Variants in TENM1 observed in about 807,000 individuals in gnomAD.
TENM1 encodes teneurin transmembrane protein 1.
TENM1 carries 35 observed loss-of-function variants against 174.8 expected under a neutral mutation model. That is an observed-to-expected ratio of 0.20 (90% CI 0.15 to 0.27). The LOEUF is 0.27. TENM1 is among the 10% of genes least tolerant of loss of function. The pLI is 1.00. For missense variants in TENM1, 1,633 were observed against 2,130.1 expected, an observed-to-expected ratio of 0.77 and a Z score of 4.59; for synonymous variants, 781 against 798.7, an observed-to-expected ratio of 0.98 and a Z score of 0.37.
At chrX:124,973,785 A>C in the TENM1 span, among the ~76,000 whole-genome samples, 1 of 112,040 alleles carries the variant, frequency 8.9e-6, no homozygotes, top group Non-Finnish European at 1.9e-5. Context: ...ATCATAAAAA[A>C]GGATGAGTTC....
chrX:124,550,443 T>C (rs1181790389), intron 14 of TENM1, among the ~76,000 whole-genome samples: 1 of 112,236 alleles, frequency 8.9e-6, no homozygotes, highest in African/African-American at 3.2e-5. Flanking sequence ...TGCCAGGCAC[T>C]AGGTACATCC....
intron 5 of TENM1, among the ~76,000 whole-genome samples, chrX:124,687,651 G>A (rs1425422575): frequency 5.4e-5 from 6 of 111,863 alleles, no homozygotes; most frequent in Middle Eastern, 9.3e-3. Flanking sequence ...GCAACTTACA[G>A]AATGGGAGAA....
At chrX:124,645,905 T>C (rs2051145552) in intron 9 of TENM1, among the ~76,000 whole-genome samples, 1 of 111,325 alleles carries the variant, frequency 9.0e-6, no homozygotes, top group Admixed American at 9.6e-5. Context: ...GATTTTTTAA[T>C]ACCAACCATC....
At chrX:124,908,550 A>G (rs1298323449) in intron 1 of TENM1, among the ~76,000 whole-genome samples, 1 of 110,404 alleles carries the variant, frequency 9.1e-6, no homozygotes, top group Non-Finnish European at 1.9e-5. Context: ...TATGTACCAC[A>G]TTTTCGTTAT....
the TENM1 span, among the ~76,000 whole-genome samples, chrX:125,050,939 T>C: frequency 3.6e-5 from 4 of 111,912 alleles, no homozygotes; most frequent in South Asian, 3.7e-4. Flanking sequence ...GATTGTATAT[T>C]TAGAAAACCC....
At chrX:124,627,339 T>C (rs901486387) in intron 11 of TENM1, among the ~76,000 whole-genome samples, 1 of 112,325 alleles carries the variant, frequency 8.9e-6, no homozygotes, top group African/African-American at 3.2e-5. Flanking sequence ...GCCAAGTTAA[T>C]GTGGTGACTA....
chrX:124,991,594 A>C, the TENM1 span, among the ~76,000 whole-genome samples: 3 of 110,261 alleles, frequency 2.7e-5, no homozygotes, highest in African/African-American at 9.9e-5. Flanking sequence ...TTTCTATTAT[A>C]ATTTTCAGCC....
intron 11 of TENM1, among the ~76,000 whole-genome samples, chrX:124,606,053 A>G (rs1269588506): frequency 9.0e-6 from 1 of 111,252 alleles, no homozygotes; most frequent in Non-Finnish European, 1.9e-5. Context: ...CCTTTGCAAA[A>G]AGACCATATG....
chrX:124,420,654 C>A, exon 25 of TENM1: 2 of 1,211,254 alleles, frequency 1.7e-6, no homozygotes, highest in Non-Finnish European at 2.2e-6. Context: ...TCCTGATCAG[C>A]GGGTGAAGCA....
intron 4 of TENM1, among the ~76,000 whole-genome samples, chrX:124,732,269 G>T (rs2053581885): frequency 8.9e-6 from 1 of 112,061 alleles, no homozygotes; most frequent in Non-Finnish European, 1.9e-5. Context: ...AATGTGTATG[G>T]ATAGTGTCAT....
At chrX:124,772,676 C>T (rs1176562130) in intron 3 of TENM1, among the ~76,000 whole-genome samples, 1 of 111,226 alleles carries the variant, frequency 9.0e-6, no homozygotes, top group Non-Finnish European at 1.9e-5. Flanking sequence ...ATATTGTATA[C>T]TACAAATTTT....
intron 14 of TENM1, among the ~76,000 whole-genome samples, chrX:124,559,623 G>T (rs964033673): frequency 9.0e-5 from 10 of 110,514 alleles, no homozygotes; most frequent in African/African-American, 3.0e-4. Flanking sequence ...AGCTGAGATT[G>T]TGCCACTACA....
At chrX:124,647,587 T>C (rs2051191526) in intron 8 of TENM1, among the ~76,000 whole-genome samples, 1 of 111,710 alleles carries the variant, frequency 9.0e-6, no homozygotes, top group Non-Finnish European at 1.9e-5. Context: ...AAATCTATAA[T>C]ATTATACAAA....
chrX:124,414,959 C>T lies in TENM1; in HGVS notation c.4982+5352G>A, dbSNP rs933741624. On this transcript the variant is annotated intron_variant, in intron 25 of 31. Transcript: ENST00000422452. The stretch of plus-strand genomic sequence containing the variant: ...TTGTCCCCTTGTCCACATAAAGAAG[C>T]CTCCCTTTTACCTCGGGGAATTACT... 2.7e-5 allele frequency among the ~76,000 whole-genome samples: 3 copies of T among 111,805 alleles called. No homozygotes were observed. In the Admixed American group the frequency reaches 2.8e-4, roughly 11 times the overall value.
chrX:125,070,571 A>G, the TENM1 span, among the ~76,000 whole-genome samples: 2 of 111,726 alleles, frequency 1.8e-5, no homozygotes, highest in Non-Finnish European at 3.8e-5. Flanking sequence ...TCAGGGGAGT[A>G]AAAATTAGAT....
chrX:124,893,334 A>T (rs1237525293), intron 3 of TENM1, among the ~76,000 whole-genome samples: 2 of 112,613 alleles, frequency 1.8e-5, no homozygotes, highest in Non-Finnish European at 3.7e-5. Flanking sequence ...ATTGCATTCA[A>T]CTAGATTGTT....
intron 3 of TENM1, among the ~76,000 whole-genome samples, chrX:124,844,898 C>T (rs918731030): frequency 1.8e-5 from 2 of 111,072 alleles, no homozygotes; most frequent in Non-Finnish European, 3.8e-5. Flanking sequence ...CCACCTACAT[C>T]AGAATCACTT....
intron 3 of TENM1, among the ~76,000 whole-genome samples, chrX:124,878,179 C>T (rs1444352237): frequency 9.0e-6 from 1 of 110,755 alleles, no homozygotes; most frequent in Non-Finnish European, 1.9e-5. Flanking sequence ...TTACCTTGGG[C>T]CAAAATTTCT....
At chrX:124,452,002 A>G (rs2061043179) in intron 23 of TENM1, among the ~76,000 whole-genome samples, 1 of 112,414 alleles carries the variant, frequency 8.9e-6, no homozygotes, top group Non-Finnish European at 1.9e-5. Flanking sequence ...CAATGGCAAC[A>G]AAAGCCAAAA....
Sources: gnomAD v4.1 joint callset for allele counts (sites outside exome capture counted in the v4.1 genomes callset) on GRCh38, gnomAD v4.1.1 for gene constraint, MANE v1.5 for transcripts, NCBI Gene and HGNC (gene_info 2026-07-23, HGNC 2026-07-21) for gene names.